Variants in SLC44A5 observed in about 807,000 individuals in gnomAD.
SLC44A5 encodes solute carrier family 44 member 5.
A neutral mutation model predicts 101.8 loss-of-function variants in SLC44A5; 57 were observed. That is an observed-to-expected ratio of 0.56 (90% confidence interval 0.45 to 0.70). The LOEUF is 0.70. Ranked by LOEUF, SLC44A5 falls within the 30% of genes least tolerant of loss-of-function variation. SLC44A5 has a pLI of 0.00. For missense variants in SLC44A5, 737 were observed against 853.1 expected (o/e 0.86, Z 1.70); for synonymous variants, 281 against 290.9 (o/e 0.97, Z 0.35).
chr1:75,694,330 C>G, the SLC44A5 span, among the ~76,000 whole-genome samples: 1 of 151,782 alleles, frequency 6.6e-6, no homozygotes, highest in African/African-American at 2.4e-5. Context: ...TGTGCACATT[C>G]TATTCTGATT....
At chr1:75,514,235 T>A (rs920813) in intron 2 of SLC44A5, among the ~76,000 whole-genome samples, 1 of 152,042 alleles carries the variant, frequency 6.6e-6, no homozygotes, top group Non-Finnish European at 1.5e-5. Context: ...CCAAAAATTA[T>A]GAGCTAAGAC....
intron 4 of SLC44A5, among the ~76,000 whole-genome samples, chr1:75,322,089 T>G (rs1170042354): frequency 2.0e-5 from 3 of 152,072 alleles, no homozygotes; most frequent in African/African-American, 7.2e-5. Flanking sequence ...TGAGGCAGGA[T>G]TACTTGAGGT....
intron 14 of SLC44A5, 130 bp from the exon 15 acceptor site, chr1:75,220,022 G>A: frequency 1.9e-6 from 1 of 513,982 alleles, no homozygotes; most frequent in Non-Finnish European, 3.4e-6. Flanking sequence ...ATTCTCAGTT[G>A]GTTTTACATT....
intron 2 of SLC44A5, among the ~76,000 whole-genome samples, chr1:75,516,061 G>A (rs575132521): frequency 1.3e-5 from 2 of 152,114 alleles, no homozygotes; most frequent in Non-Finnish European, 2.9e-5. Flanking sequence ...AAATTATTCA[G>A]TTCAGTTTTC....
At chr1:75,575,832 AG>A (rs1673329326) in intron 1 of SLC44A5, among the ~76,000 whole-genome samples, 1 of 152,356 alleles carries the variant, frequency 6.6e-6, no homozygotes, top group South Asian at 2.1e-4. Flanking sequence ...ATGGAAATGT[AG>A]GATACACGAA....
chr1:75,641,191 CTTT>C, the SLC44A5 span, among the ~76,000 whole-genome samples: 3 of 152,138 alleles, frequency 2.0e-5, no homozygotes, highest in East Asian at 5.8e-4. Context: ...GTGTCTATTA[CTTT>C]TTTATTTTTA....
chr1:75,280,699 T>C (rs898087802), intron 5 of SLC44A5, among the ~76,000 whole-genome samples: 11 of 151,166 alleles, frequency 7.3e-5, no homozygotes, highest in African/African-American at 2.7e-4. Context: ...CATGCTGTTC[T>C]CATGATAGTG....
At chr1:75,636,699 A>G in the SLC44A5 span, among the ~76,000 whole-genome samples, 2 of 152,170 alleles carry the variant, frequency 1.3e-5, no homozygotes, top group Non-Finnish European at 2.9e-5. Context: ...GAAATAAATA[A>G]CTACAGTATA....
intron 16 of SLC44A5, 92 bp from the exon 17 acceptor site, chr1:75,218,844 A>G (rs610159): frequency 0.86 from 1,014,086 of 1,174,246 alleles, 439,132 homozygotes; most frequent in East Asian, 1. Context: ...TTAATTGCAT[A>G]TCCTGTTGTT....
chr1:75,659,581 G>C, the SLC44A5 span, among the ~76,000 whole-genome samples: 2 of 145,108 alleles, frequency 1.4e-5, no homozygotes, highest in Non-Finnish European at 3.0e-5. Context: ...CTTGAGCCCA[G>C]GAGTTGGAGA....
chr1:75,624,915 A>C, the SLC44A5 span, among the ~76,000 whole-genome samples: 1 of 152,108 alleles, frequency 6.6e-6, no homozygotes, highest in South Asian at 2.1e-4. Context: ...TCACTAAAGA[A>C]CCCTAGATCT....
intron 1 of SLC44A5, among the ~76,000 whole-genome samples, chr1:75,579,760 G>A (rs1244591386): frequency 6.6e-6 from 1 of 151,584 alleles, no homozygotes; most frequent in Non-Finnish European, 1.5e-5. Flanking sequence ...GAACAAATCT[G>A]AAATGATTCT....
At chr1:75,216,188 C>T (rs906038014) in intron 18 of SLC44A5, among the ~76,000 whole-genome samples, 4 of 151,924 alleles carry the variant, frequency 2.6e-5, no homozygotes, top group Admixed American at 2.0e-4. Context: ...TTTGCTTCTC[C>T]TAGGTGCTTC....
chr1:75,271,585 A>T (rs1651483554), intron 6 of SLC44A5, among the ~76,000 whole-genome samples: 1 of 150,772 alleles, frequency 6.6e-6, no homozygotes. Flanking sequence ...TCTATTCCTG[A>T]GTTACTTCAC....
the SLC44A5 span, among the ~76,000 whole-genome samples, chr1:75,699,872 C>G: frequency 6.6e-6 from 1 of 152,048 alleles, no homozygotes; most frequent in Admixed American, 6.6e-5. Flanking sequence ...TCTGATAAAA[C>G]AGACTTTTAA....
chr1:75,311,543 T>A, intron 4 of SLC44A5: 1 of 984,492 alleles, frequency 1.0e-6, no homozygotes, highest in Non-Finnish European at 1.2e-6. Context: ...TACCAGCTCC[T>A]ACTAATATCC....
chr1:75,323,734 T>C (rs1656362524), intron 4 of SLC44A5, among the ~76,000 whole-genome samples: 1 of 152,240 alleles, frequency 6.6e-6, no homozygotes, highest in Non-Finnish European at 1.5e-5. Context: ...TTCTGCTACC[T>C]TAGGTTTTGG....
chr1:75,218,859 T>G, intron 16 of SLC44A5, 107 bp from the exon 17 acceptor site: 1 of 990,792 alleles, frequency 1.0e-6, no homozygotes, highest in South Asian at 1.7e-5. Flanking sequence ...GTTGTTTCTC[T>G]GTTAGCTCCT....
At chr1:75,458,261 C>T (rs1245574874) in intron 2 of SLC44A5, among the ~76,000 whole-genome samples, 1 of 152,100 alleles carries the variant, frequency 6.6e-6, no homozygotes, top group East Asian at 1.9e-4. Flanking sequence ...CTCACCCAAA[C>T]ATAAGTAGTT....
Sources: allele counts gnomAD v4.1 joint callset (sites outside exome capture counted in the v4.1 genomes callset), GRCh38; gene constraint gnomAD v4.1.1; transcripts MANE v1.5; gene names NCBI Gene and HGNC (gene_info 2026-07-23, HGNC 2026-07-21).